Variants in ZNF280D observed in about 807,000 individuals in gnomAD.
ZNF280D encodes suppressor of hairy wing homolog 4.
Under a neutral mutation model 94.7 loss-of-function variants are expected in ZNF280D, and 39 were observed. The observed-to-expected ratio is 0.41, with a 90% confidence interval of 0.32 to 0.54. The LOEUF is 0.54. Among genes scored for constraint, ZNF280D ranks in the 20% least tolerant of loss-of-function variants. The probability of loss-of-function intolerance (pLI) is 0.22; values close to 1 mark genes in which losing one functional copy is unlikely to be tolerated. For synonymous variants in ZNF280D, 398 were observed against 377.6 expected (o/e 1.05, Z -0.63); for missense variants, 1,090 against 1,149.3 (o/e 0.95, Z 0.75).
At chr15:56,643,913 A>C (rs1209663102) in intron 19 of ZNF280D, among the ~76,000 whole-genome samples, 1 of 151,958 alleles carries the variant, frequency 6.6e-6, no homozygotes, top group African/African-American at 2.4e-5. Context: ...AAGATATCTA[A>C]TAGGATAGAA....
intron 1 of ZNF280D, among the ~76,000 whole-genome samples, chr15:56,714,361 G>A (rs1192720562): frequency 6.6e-6 from 1 of 152,100 alleles, no homozygotes; most frequent in African/African-American, 2.4e-5. Flanking sequence ...GAAGAATATT[G>A]TCTCCCGATA....
intron 9 of ZNF280D, among the ~76,000 whole-genome samples, chr15:56,685,801 GA>G (rs1183434118): frequency 5.9e-5 from 9 of 152,060 alleles, no homozygotes; most frequent in Admixed American, 5.9e-4. Context: ...ACCACATTGT[GA>G]AAGGCTTTTA....
In ZNF280D at chr15:56,699,805, C is replaced by A. The variant is rs555624803; in HGVS notation, c.381+1128G>T. On this transcript the variant is annotated intron_variant, in intron 6 of 21. Coordinates refer to ENST00000267807, the MANE Select transcript of ZNF280D (RefSeq NM_017661.4). ...ATCACACAGAATATTTTAAAAAACA[C>A]ACATTCAAGTGTAGAGAGTTAATAA... 30 of 155,230 alleles carry A rather than the reference C, an allele frequency of 1.9e-4. No homozygotes were observed. The South Asian group carries it at 5.5e-3, about 29-fold the overall frequency. 9.6% of individuals were successfully genotyped at this position (155,230 alleles called of 1,614,324 possible).
In ZNF280D at chr15:56,631,871, C is replaced by T; in HGVS notation, c.2567G>A (p.Ser856Asn). 3.1e-6 allele frequency: 5 copies of T among 1,613,748 alleles called. No individual in the cohort carries two copies. Among genetic ancestry groups the T allele is most frequent in the Non-Finnish European group, 4.2e-6 (5 of 1,180,014 alleles). ...CQEMELKMCQ[S>N]SENIILSDQI... ...ATCAGATAAGATTATGTTTTCTGAA[C>T]TTTGGCACATCTTCAACTCCATTTC... The change falls in exon 22 of 22, where the codon AGT becomes AAT. Residue 856 changes from serine to asparagine, a missense_variant. By Grantham distance (46) the Ser-to-Asn change is conservative. This residue lies in a region of ZNF280D where 577 missense variants were observed against 568.8 expected (regional missense o/e 1.01). Transcript: ENST00000267807.
At chr15:56,668,734 A>C (rs1172511350) in intron 14 of ZNF280D, 89 bp downstream of exon 14, 6 of 1,239,872 alleles carry the variant, frequency 4.8e-6, no homozygotes, top group Non-Finnish European at 6.5e-6. Context: ...ATCTGAAGTC[A>C]TTTAAAAATA....
At position 56,689,082 on chromosome 15, in the gene ZNF280D, T is replaced by C. The variant is rs918322500; in HGVS notation, c.739A>G (p.Ile247Val). ...PFPRACPKCN[I>V]HFNLLDPLKN... The stretch of plus-strand genomic sequence containing the variant: ...AAAGGATCCAAAAGATTGAAATGAA[T>C]GTTGCACTTTGGACAAGCTCTTGGA... The change falls in exon 9 of 22, where the codon ATT becomes GTT. Residue 247 changes from isoleucine to valine, a missense_variant. Around this residue, in one of 3 missense-constraint regions of ZNF280D, gnomAD observed 386 missense variants for 372.0 expected, o/e 1.04. Transcript: ENST00000267807. The C allele has an allele frequency of 1.9e-6, 3 of 1,611,190 alleles. No homozygotes were observed. The highest frequency in any genetic ancestry group is 1.1e-5 in the South Asian group (1 of 90,360).
chr15:56,719,957 G>A (rs1464123589), intron 1 of ZNF280D, among the ~76,000 whole-genome samples: 1 of 151,762 alleles, frequency 6.6e-6, no homozygotes, highest in Non-Finnish European at 1.5e-5. Flanking sequence ...TTTTGCTGGA[G>A]GAAGGTCCTG....
rs191848575 is a variant in ZNF280D at position 56,688,261 on chromosome 15, G to A, written c.780+780C>T. Among the ~76,000 whole-genome samples, 766 of 152,164 alleles carry A rather than the reference G, an allele frequency of 5.0e-3. 10 individuals carry two copies. Among genetic ancestry groups the A allele is most frequent in the African/African-American group, 0.018 (736 of 41,518 alleles). ...TAATCCCAGCACTTTAGGAGGTTGAGGCGGGCGGATCACGAGGTCAGGAGA... is the reference window on the plus strand; with the variant it reads ...TAATCCCAGCACTTTAGGAGGTTGAAGCGGGCGGATCACGAGGTCAGGAGA... On this transcript the variant is annotated intron_variant, in intron 9 of 21. Transcript: ENST00000267807.
At chr15:56,668,279 AGGC>A (rs1224734709) in intron 14 of ZNF280D, 1 of 387,594 alleles carries the variant, frequency 2.6e-6, no homozygotes, top group Admixed American at 3.4e-5. Context: ...GATGTACATA[AGGC>A]AAAAAGGGAA....
chr15:56,631,767 C>CA lies in ZNF280D; in HGVS notation c.2670dup (p.Val891CysfsTer4). The CA allele has an allele frequency of 1.2e-6, 2 of 1,614,170 alleles. No homozygotes were observed. Among genetic ancestry groups the CA allele is most frequent in the South Asian group, 2.2e-5 (2 of 91,086 alleles). On this transcript the variant is annotated frameshift_variant, in exon 22 of 22. Coordinates refer to ENST00000267807, the MANE Select transcript of ZNF280D (RefSeq NM_017661.4). LOFTEE classifies it high-confidence loss of function. ...TTTCTCAAAAACTGATCAATGCTTA[C>CA]ATTATCTGATGCTAATCGCAAATCC...
intron 17 of ZNF280D, among the ~76,000 whole-genome samples, chr15:56,655,406 C>T (rs759315461): frequency 6.7e-6 from 1 of 150,156 alleles, no homozygotes; most frequent in Non-Finnish European, 1.5e-5. Flanking sequence ...CGGGGTTTCA[C>T]CATGTTGGTC....
chr15:56,668,514 A>AAAG (rs1259332073), intron 14 of ZNF280D, among the ~76,000 whole-genome samples: 1 of 152,130 alleles, frequency 6.6e-6, no homozygotes, highest in Non-Finnish European at 1.5e-5. Context: ...TTTAGCAACT[A>AAAG]AAGTCAACAT....
chr15:56,665,564 G>A (rs1465714374), intron 16 of ZNF280D, among the ~76,000 whole-genome samples: 2 of 151,992 alleles, frequency 1.3e-5, no homozygotes, highest in East Asian at 1.9e-4. Context: ...AAGTATAGAT[G>A]GCCTGACAGA....
At chr15:56,670,942 G>GT (rs796233583) in intron 13 of ZNF280D, among the ~76,000 whole-genome samples, 4 of 151,756 alleles carry the variant, frequency 2.6e-5, no homozygotes, top group Non-Finnish European at 4.4e-5. Context: ...GTGATGTTGA[G>GT]TTTTTTTTCA....
intron 1 of ZNF280D, among the ~76,000 whole-genome samples, chr15:56,709,996 T>G (rs1434325906): frequency 2.0e-5 from 3 of 151,966 alleles, no homozygotes; most frequent in African/African-American, 7.3e-5. Context: ...ACCCTAGAAC[T>G]TAAAGTATAA....
intron 6 of ZNF280D, chr15:56,699,284 T>C (rs569533869): frequency 1.4e-4 from 96 of 693,324 alleles, no homozygotes; most frequent in Non-Finnish European, 1.6e-4. Context: ...GAAATGAGAT[T>C]GGAAACAATG....
intron 1 of ZNF280D, among the ~76,000 whole-genome samples, chr15:56,714,481 T>C (rs1161698645): frequency 2.0e-5 from 3 of 152,306 alleles, no homozygotes; most frequent in South Asian, 2.1e-4. Context: ...TAAAAGACTA[T>C]ATATTTGAGA....
At chr15:56,654,857 T>A (rs1319623566) in intron 17 of ZNF280D, 2 of 461,016 alleles carry the variant, frequency 4.3e-6, no homozygotes, top group East Asian at 6.8e-5. Flanking sequence ...AAAGTGAACA[T>A]AGCGTATTCA....
chr15:56,702,023 C>CAAAAAAAA (rs36004101), intron 4 of ZNF280D, among the ~76,000 whole-genome samples: 1 of 128,608 alleles, frequency 7.8e-6, no homozygotes, highest in Non-Finnish European at 1.6e-5. Context: ...AAAAAGCACC[C>CAAAAAAAA]AAAAAAAAAA....
Sources: gnomAD v4.1 joint callset for allele counts (sites outside exome capture counted in the v4.1 genomes callset) on GRCh38, gnomAD v4.1.1 for gene constraint, gnomAD v4.1.1 regional missense constraint, MANE v1.5 for transcripts, NCBI Gene and HGNC (gene_info 2026-07-23, HGNC 2026-07-21) for gene names.